The following TPGS2 variants were observed in gnomAD, a reference collection of about 807,000 sequenced individuals.
TPGS2 encodes the protein tubulin polyglutamylase complex subunit 2.
TPGS2 carries 26 observed loss-of-function variants against 31.1 expected under a neutral mutation model. That is an observed-to-expected ratio of 0.84 (90% CI 0.61 to 1.16). TPGS2 has a LOEUF of 1.16. Ranked by LOEUF, TPGS2 falls within the 50% of genes most tolerant of loss-of-function variation. The pLI is 0.00. For missense variants in TPGS2, 351 were observed against 363.8 expected, an observed-to-expected ratio of 0.96 and a Z score of 0.29; for synonymous variants, 130 against 136.6, an observed-to-expected ratio of 0.95 and a Z score of 0.34.
At chr18:36,781,557 C>G (rs1258258628), downstream of TPGS2, among the ~76,000 whole-genome samples, 4 of 152,110 alleles carry the variant, frequency 2.6e-5, no homozygotes, top group Non-Finnish European at 5.9e-5. Flanking sequence ...GAGGCTGAAG[C>G]AGGAGAATTG....
chr18:36,806,389 T>C (rs2045133695), intron 3 of TPGS2, among the ~76,000 whole-genome samples: 1 of 152,172 alleles, frequency 6.6e-6, no homozygotes, highest in South Asian at 2.1e-4. Flanking sequence ...CCAGGGAAAG[T>C]CTGTCAGTTG....
chr18:36,799,508 T>G (rs1008151743), intron 5 of TPGS2, among the ~76,000 whole-genome samples: 1 of 152,136 alleles, frequency 6.6e-6, no homozygotes. Context: ...CCTTGTCTCT[T>G]TTACTCCACC....
intron 6 of TPGS2, chr18:36,786,839 C>T: frequency 8.1e-7 from 1 of 1,234,348 alleles, no homozygotes; most frequent in African/African-American, 1.5e-5. Flanking sequence ...CAACACCTAA[C>T]AGTGAAAAAT....
At chr18:36,825,419 G>A (rs891054903) in intron 1 of TPGS2, among the ~76,000 whole-genome samples, 6 of 135,074 alleles carry the variant, frequency 4.4e-5, no homozygotes, top group Middle Eastern at 8.8e-3. Context: ...GCGACAGAGC[G>A]AGACTCCGTC....
chr18:36,805,077 G>A (rs556037511), intron 4 of TPGS2, among the ~76,000 whole-genome samples: 4 of 152,240 alleles, frequency 2.6e-5, no homozygotes, highest in African/African-American at 9.6e-5. Flanking sequence ...TGTTATATGC[G>A]ACCAAACACA....
rs1336621513 is a variant in TPGS2, at chr18:36,794,842, C to G, written c.*1963G>C. On this transcript the variant is annotated 3_prime_UTR_variant, in exon 7 of 7. Coordinates refer to ENST00000334295, the MANE Select transcript of TPGS2 (RefSeq NM_015476.4). ...TCATGTTATGGTTAAAACACACACA[C>G]ACACACACACACACACACACACACA... The G allele has an allele frequency of 6.4e-6, 4 of 623,722 alleles. No individual in the cohort carries two copies. The African/African-American group carries it at 1.1e-4, about 17-fold the overall frequency. 38.6% of individuals were successfully genotyped at this position (623,722 alleles called of 1,614,324 possible). A position where few individuals can be genotyped will look rare whatever the true frequency, so the allele number is the denominator to read the frequency against.
At chr18:36,807,342 A>C (rs2045204023) in intron 3 of TPGS2, among the ~76,000 whole-genome samples, 1 of 152,196 alleles carries the variant, frequency 6.6e-6, no homozygotes, top group Non-Finnish European at 1.5e-5. Flanking sequence ...CTGTGAATTG[A>C]GGTAGCTGGT....
chr18:36,828,919 C>T lies in TPGS2; in HGVS notation c.-152G>A, dbSNP rs2046336829. The T allele has an allele frequency of 9.6e-7, 1 of 1,036,524 alleles. No individual in the cohort carries two copies. Among genetic ancestry groups the T allele is most frequent in the Non-Finnish European group, 1.4e-6 (1 of 732,376 alleles). The allele number at this position is 1,036,524 out of a possible 1,614,324, so 64.2% of individuals were successfully genotyped here. A position where few individuals can be genotyped will look rare whatever the true frequency, so the allele number is the denominator to read the frequency against. On this transcript the variant is annotated 5_prime_UTR_variant, in exon 1 of 7. Coordinates refer to ENST00000334295, the MANE Select transcript of TPGS2 (RefSeq NM_015476.4). ...TGATGGGGGCCCGGGGTTGGTCTGA[C>T]AGCAGCAGCTCCGTGGGGCGCCGGT...
chr18:36,800,161 G>T (rs754635741), intron 5 of TPGS2, 37 bp downstream of exon 5: 59 of 1,588,186 alleles, frequency 3.7e-5, no homozygotes, highest in Non-Finnish European at 5.1e-5. Context: ...CAAGACCCTA[G>T]CCAAACTACG....
intron 1 of TPGS2, among the ~76,000 whole-genome samples, chr18:36,822,111 T>C (rs1209991728): frequency 1.3e-5 from 2 of 152,206 alleles, no homozygotes; most frequent in African/African-American, 4.8e-5. Context: ...AATTTTTGAT[T>C]CCACAGCTAT....
chr18:36,820,888 C>G (rs916475316), intron 1 of TPGS2: 5 of 152,194 alleles, frequency 3.3e-5, no homozygotes, highest in African/African-American at 1.2e-4. Context: ...CCCTGTCCTG[C>G]CTTTGTGACC....
At chr18:36,813,699 G>A (rs1478980579) in intron 2 of TPGS2, among the ~76,000 whole-genome samples, 1 of 152,108 alleles carries the variant, frequency 6.6e-6, no homozygotes, top group African/African-American at 2.4e-5. Context: ...TACACACTTG[G>A]CATGAAAAGC....
At chr18:36,818,825 T>C in intron 2 of TPGS2, 69 bp downstream of exon 2, 1 of 1,406,756 alleles carries the variant, frequency 7.1e-7, no homozygotes, top group Non-Finnish European at 9.9e-7. Context: ...TCCCCTAATC[T>C]TTCCTTCTCA....
At chr18:36,822,015 C>A (rs2045914526) in intron 1 of TPGS2, among the ~76,000 whole-genome samples, 1 of 152,116 alleles carries the variant, frequency 6.6e-6, no homozygotes, top group Non-Finnish European at 1.5e-5. Flanking sequence ...AATGGGGAGA[C>A]CAGGTCTTCT....
downstream of TPGS2, chr18:36,789,473 G>A (rs1359556786): frequency 6.6e-6 from 1 of 152,126 alleles, no homozygotes; most frequent in Non-Finnish European, 1.5e-5. Context: ...TTTAGTTTAT[G>A]GCTATGTATT....
At chr18:36,781,800 G>A (rs1208953827), downstream of TPGS2, 1 of 985,292 alleles carries the variant, frequency 1.0e-6, no homozygotes, top group African/African-American at 1.7e-5. Context: ...CCCACTTACG[G>A]AGACAGGGAG....
rs368331486 is a variant in TPGS2 at position 36,807,834 on chromosome 18, G to T, written c.253+13C>A. ...AGCCAGGGAAATGTTCTCCTACAAGGAGGCTGACTCACCATCCAGCTTCAC... is the reference window on the plus strand; with the variant it reads ...AGCCAGGGAAATGTTCTCCTACAAGTAGGCTGACTCACCATCCAGCTTCAC... On this transcript the variant is annotated intron_variant, in intron 3 of 6. Transcript: ENST00000334295. The T allele has an allele frequency of 7.4e-6, 12 of 1,613,220 alleles. No homozygotes were observed. The highest frequency in any genetic ancestry group is 1.1e-5 in the South Asian group (1 of 91,008).
At chr18:36,820,463 C>T (rs1039980173) in intron 1 of TPGS2, among the ~76,000 whole-genome samples, 1 of 152,188 alleles carries the variant, frequency 6.6e-6, no homozygotes, top group Non-Finnish European at 1.5e-5. Context: ...ATTGTAGAGA[C>T]TCCTATATCC....
At chr18:36,819,016 T>C (rs759769447) in intron 1 of TPGS2, 43 bp from the exon 2 acceptor site, 1 of 1,517,824 alleles carries the variant, frequency 6.6e-7, no homozygotes, top group Non-Finnish European at 9.1e-7. Flanking sequence ...ATTGGTCCGC[T>C]GTCATACATT....
Sources: allele counts gnomAD v4.1 joint callset (sites outside exome capture counted in the v4.1 genomes callset), GRCh38; gene constraint gnomAD v4.1.1; transcripts MANE v1.5; gene names NCBI Gene and HGNC (gene_info 2026-07-23, HGNC 2026-07-21).